LEKR1: variants seen among roughly 807,000 people sequenced by gnomAD.
The protein encoded by LEKR1 is protein LEKR1.
LEKR1 carries 59 observed loss-of-function variants against 72.4 expected under a neutral mutation model. The observed-to-expected ratio is 0.82, with a 90% confidence interval of 0.66 to 1.01. LEKR1 has a LOEUF of 1.01. Ranked by LOEUF, LEKR1 falls within the 50% of genes least tolerant of loss-of-function variation. The probability of loss-of-function intolerance (pLI) is 0.00; values close to 1 mark genes in which losing one functional copy is unlikely to be tolerated. For synonymous variants in LEKR1, 257 were observed against 263.2 expected (o/e 0.98, Z 0.23); for missense variants, 728 against 759.2 (o/e 0.96, Z 0.48).
chr3:156,923,126 C>T (rs193164833), intron 4 of LEKR1, among the ~76,000 whole-genome samples: 36 of 152,134 alleles, frequency 2.4e-4, no homozygotes, highest in Non-Finnish European at 1.5e-5. Flanking sequence ...AGTTTATTAC[C>T]CCGTATCTTT....
chr3:156,976,265 A>G (rs576670567), intron 6 of LEKR1, among the ~76,000 whole-genome samples: 68 of 152,298 alleles, frequency 4.5e-4, no homozygotes, highest in Admixed American at 1.6e-3. Context: ...ATAAAATTAC[A>G]TATCAAGTAC....
At chr3:157,023,921 T>G (rs1734020189) in intron 10 of LEKR1, among the ~76,000 whole-genome samples, 1 of 152,170 alleles carries the variant, frequency 6.6e-6, no homozygotes, top group Non-Finnish European at 1.5e-5. Flanking sequence ...TTGAAGGTAT[T>G]GTAAGTCAAA....
chr3:157,028,034 A>G (rs1261695705), intron 11 of LEKR1, 69 bp from the exon 12 acceptor site: 2 of 1,097,636 alleles, frequency 1.8e-6, no homozygotes, highest in Non-Finnish European at 2.6e-6. Flanking sequence ...AAACCTCTTA[A>G]AAACCATAAG....
intron 9 of LEKR1, among the ~76,000 whole-genome samples, chr3:157,005,999 AT>A (rs748719503): frequency 0.089 from 12,575 of 140,810 alleles, 456 homozygotes; most frequent in African/African-American, 0.11. Flanking sequence ...ACTACTATAC[AT>A]TTTTTTTTTT....
intron 2 of LEKR1, among the ~76,000 whole-genome samples, chr3:156,836,837 G>T (rs573389041): frequency 3.3e-5 from 5 of 152,138 alleles, no homozygotes; most frequent in Non-Finnish European, 7.4e-5. Flanking sequence ...CAACCAGAAA[G>T]GACTCATTCC....
intron 2 of LEKR1, among the ~76,000 whole-genome samples, chr3:156,848,002 A>G (rs1291215544): frequency 6.6e-6 from 1 of 152,196 alleles, no homozygotes; most frequent in Non-Finnish European, 1.5e-5. Flanking sequence ...TACTCCACCC[A>G]TCAAGAGTTT....
chr3:156,932,502 C>T (rs1441152638), intron 5 of LEKR1, among the ~76,000 whole-genome samples: 1 of 152,056 alleles, frequency 6.6e-6, no homozygotes, highest in African/African-American at 2.4e-5. Flanking sequence ...AGCTTGAGCT[C>T]AAGAGTTTGA....
chr3:156,885,713 G>A (rs1719984070), intron 3 of LEKR1, among the ~76,000 whole-genome samples: 1 of 152,260 alleles, frequency 6.6e-6, no homozygotes, highest in Admixed American at 6.5e-5. Context: ...GATTCTAGAT[G>A]TGTTTAGTGT....
intron 12 of LEKR1, among the ~76,000 whole-genome samples, chr3:157,042,954 G>A (rs556041191): frequency 3.3e-5 from 5 of 152,260 alleles, no homozygotes; most frequent in African/African-American, 9.6e-5. Flanking sequence ...AGTGTTGGAG[G>A]TGGGGCCTGG....
chr3:156,841,230 G>A (rs1156968795), intron 2 of LEKR1, among the ~76,000 whole-genome samples: 1 of 152,184 alleles, frequency 6.6e-6, no homozygotes, highest in Non-Finnish European at 1.5e-5. Context: ...CAGCGGGTAA[G>A]GCATCCTAGG....
At chr3:156,991,254 A>G (rs542532745) in intron 7 of LEKR1, among the ~76,000 whole-genome samples, 76 of 152,174 alleles carry the variant, frequency 5.0e-4, no homozygotes, top group African/African-American at 1.7e-3. Context: ...GTAGCTGGTA[A>G]GGTTTTATTT....
At chr3:156,995,531 C>G (rs970114338) in intron 9 of LEKR1, among the ~76,000 whole-genome samples, 1 of 152,076 alleles carries the variant, frequency 6.6e-6, no homozygotes, top group Non-Finnish European at 1.5e-5. Flanking sequence ...TGATGTCTGT[C>G]ACATAATAAA....
chr3:156,832,764 A>T (rs1416216792), intron 2 of LEKR1, among the ~76,000 whole-genome samples: 1 of 152,176 alleles, frequency 6.6e-6, no homozygotes, highest in Non-Finnish European at 1.5e-5. Context: ...CCTGTAAAGG[A>T]CAAGGTATGA....
chr3:157,014,733 G>A (rs938858333), intron 10 of LEKR1, among the ~76,000 whole-genome samples: 8 of 151,908 alleles, frequency 5.3e-5, no homozygotes, highest in Admixed American at 2.6e-4. Flanking sequence ...AGTGGCCTGC[G>A]GAGATCATCT....
chr3:157,018,271 T>C (rs1193723679), intron 10 of LEKR1, among the ~76,000 whole-genome samples: 1 of 152,138 alleles, frequency 6.6e-6, no homozygotes, highest in Admixed American at 6.5e-5. Flanking sequence ...ATTTATACAA[T>C]GGAAAATGGT....
At chr3:156,981,937 G>A (rs972066459) in intron 7 of LEKR1, among the ~76,000 whole-genome samples, 1 of 152,114 alleles carries the variant, frequency 6.6e-6, no homozygotes, top group Non-Finnish European at 1.5e-5. Context: ...TATTCTTTGT[G>A]GGGGCTGGGA....
chr3:156,955,106 A>T (rs6806669), intron 6 of LEKR1, among the ~76,000 whole-genome samples: 3,787 of 151,650 alleles, frequency 0.025, 160 homozygotes, highest in African/African-American at 0.086. Flanking sequence ...GGTTTTAAAA[A>T]TTTTTTTTAT....
intron 5 of LEKR1, among the ~76,000 whole-genome samples, chr3:156,936,867 A>G (rs541403917): frequency 6.6e-6 from 1 of 152,338 alleles, no homozygotes; most frequent in South Asian, 2.1e-4. Flanking sequence ...AATAGAAAAT[A>G]TGAAACTTTT....
At chr3:157,021,769 T>G (rs1733853655) in intron 10 of LEKR1, among the ~76,000 whole-genome samples, 1 of 152,182 alleles carries the variant, frequency 6.6e-6, no homozygotes, top group African/African-American at 2.4e-5. Context: ...AATAGTTTGT[T>G]GCTCTTTTAT....
Sources: allele counts gnomAD v4.1 joint callset (sites outside exome capture counted in the v4.1 genomes callset), GRCh38; gene constraint gnomAD v4.1.1; transcripts MANE v1.5; gene names NCBI Gene and HGNC (gene_info 2026-07-23, HGNC 2026-07-21).